Variants in SLC14A2 observed in about 807,000 individuals in gnomAD.
SLC14A2 encodes urea transporter 2.
A neutral mutation model predicts 104.6 loss-of-function variants in SLC14A2; 91 were observed. The ratio of observed to expected loss-of-function variants is 0.87; its 90% CI spans 0.73 to 1.04. SLC14A2 has a LOEUF of 1.04. Ranked by LOEUF, SLC14A2 falls within the 50% of genes least tolerant of loss-of-function variation. The pLI, the probability that SLC14A2 is intolerant of heterozygous loss-of-function variation, is 0.00. For synonymous variants in SLC14A2, 476 were observed against 466.4 expected (o/e 1.02, Z -0.27); for missense variants, 1,189 against 1,156.0 (o/e 1.03, Z -0.41).
chr18:45,221,116 A>C (rs1308255342), intron 1 of SLC14A2, among the ~76,000 whole-genome samples: 3 of 152,232 alleles, frequency 2.0e-5, no homozygotes, highest in Non-Finnish European at 4.4e-5. Context: ...ATGAATTTGT[A>C]AGATGAGGGC....
At chr18:45,327,146 C>A (rs1453552465) in intron 1 of SLC14A2, among the ~76,000 whole-genome samples, 1 of 152,062 alleles carries the variant, frequency 6.6e-6, no homozygotes, top group African/African-American at 2.4e-5. Context: ...ATATGCTCAA[C>A]CCAAGATGTT....
intron 1 of SLC14A2, among the ~76,000 whole-genome samples, chr18:45,445,483 A>G (rs2086753047): frequency 6.6e-6 from 1 of 152,204 alleles, no homozygotes; most frequent in African/African-American, 2.4e-5. Context: ...AGTGATAAAA[A>G]CAAAGATGCC....
chr18:45,564,732 T>G (rs1483083960), intron 2 of SLC14A2, among the ~76,000 whole-genome samples: 1 of 152,142 alleles, frequency 6.6e-6, no homozygotes, highest in African/African-American at 2.4e-5. Context: ...GTACGTGCAT[T>G]GTGCCAATGA....
At chr18:45,537,012 C>A (rs1429226127) in intron 2 of SLC14A2, among the ~76,000 whole-genome samples, 2 of 132,966 alleles carry the variant, frequency 1.5e-5, no homozygotes, top group Non-Finnish European at 3.2e-5. Context: ...TGGTTCGTCC[C>A]CCTCTCTCCC....
At position 45,607,640 on chromosome 18, in the gene SLC14A2, C is replaced by T. The variant is rs149721037; in HGVS notation, c.-34-16991C>T. 2.0e-3 allele frequency among the ~76,000 whole-genome samples: 297 copies of T among 152,238 alleles called. 2 individuals carry two copies. Among genetic ancestry groups the T allele is most frequent in the African/African-American group, 7.0e-3 (289 of 41,552 alleles). ...AAATTGCCCCAGGTGTGACAAATTGCCCAAACTTAGCAACATAAAATGATA... is the reference window on the plus strand; with the variant it reads ...AAATTGCCCCAGGTGTGACAAATTGTCCAAACTTAGCAACATAAAATGATA... On this transcript the variant is annotated intron_variant, in intron 2 of 20. Transcript: ENST00000586448.
At chr18:45,238,679 G>A (rs964256525) in intron 1 of SLC14A2, among the ~76,000 whole-genome samples, 3 of 152,164 alleles carry the variant, frequency 2.0e-5, no homozygotes, top group Admixed American at 2.0e-4. Flanking sequence ...TAGATAGGTA[G>A]ATAGATAATA....
intron 2 of SLC14A2, among the ~76,000 whole-genome samples, chr18:45,606,944 G>A (rs978144394): frequency 5.9e-5 from 9 of 152,080 alleles, no homozygotes; most frequent in Non-Finnish European, 1.0e-4. Flanking sequence ...CTCAGTTCCT[G>A]GAGGGCAGGA....
Position 45,518,362 on chromosome 18 carries a change from C to G in SLC14A2, c.-35+35040C>G, listed in dbSNP as rs569346064. 2.0e-5 allele frequency among the ~76,000 whole-genome samples: 3 copies of G among 152,114 alleles called. No individual in the cohort carries two copies. In the South Asian group the frequency reaches 6.3e-4, roughly 32 times the overall value. On this transcript the variant is annotated intron_variant, in intron 2 of 20. Transcript: ENST00000586448. ...TCCATTGTTTACATGTACCCAGTGT[C>G]AAACTCCATCTAACTCCCCTATGAT...
intron 1 of SLC14A2, among the ~76,000 whole-genome samples, chr18:45,367,916 G>C (rs748997827): frequency 3.9e-5 from 6 of 152,148 alleles, no homozygotes; most frequent in Non-Finnish European, 8.8e-5. Context: ...GGCACTGAAG[G>C]CTTAATGTTC....
At position 45,226,802 on chromosome 18, in the gene SLC14A2, AAAT is replaced by A. The variant is rs143475234; in HGVS notation, c.-125+13626_-125+13628del. On this transcript the variant is annotated intron_variant, in intron 1 of 20. Transcript: ENST00000586448. Reference sequence around the variant, plus strand: ...GTTGTGCACATGTACCCTAGAACTTAAATAATAATAATAATAAAATAATAGTTT... The same window carrying A: ...GTTGTGCACATGTACCCTAGAACTTAAATAATAATAATAAAATAATAGTTT... Among the ~76,000 whole-genome samples, 1,103 of 151,666 alleles carry A rather than the reference AAAT, an allele frequency of 7.3e-3. 22 individuals are homozygous for A. The highest frequency in any genetic ancestry group is 0.025 in the African/African-American group (1,047 of 41,138).
intron 8 of SLC14A2, among the ~76,000 whole-genome samples, chr18:45,642,802 C>T (rs1025546928): frequency 4.6e-5 from 7 of 152,244 alleles, no homozygotes; most frequent in African/African-American, 7.2e-5. Flanking sequence ...ACTAGCTCTT[C>T]GCTACCATCA....
chr18:45,624,448 A>T (rs2045227406), intron 1 of SLC14A2, among the ~76,000 whole-genome samples, 183 bp from the exon 2 acceptor site: 1 of 152,132 alleles, frequency 6.6e-6, no homozygotes, highest in African/African-American at 2.4e-5. Context: ...GACGCGGAAG[A>T]ATGGGAGGAT....
At chr18:45,193,712 A>G in the SLC14A2 span, among the ~76,000 whole-genome samples, 1 of 152,122 alleles carries the variant, frequency 6.6e-6, no homozygotes, top group African/African-American at 2.4e-5. Flanking sequence ...TTGTATTTCC[A>G]GACAAATTTT....
At chr18:45,332,000 G>A (rs2144262464) in intron 1 of SLC14A2, among the ~76,000 whole-genome samples, 1 of 152,330 alleles carries the variant, frequency 6.6e-6, no homozygotes, top group African/African-American at 2.4e-5. Context: ...TTGAGTGGCA[G>A]CTGGATGGGT....
chr18:45,564,305 G>A (rs940232490), intron 2 of SLC14A2, among the ~76,000 whole-genome samples: 2 of 152,152 alleles, frequency 1.3e-5, no homozygotes, highest in African/African-American at 2.4e-5. Flanking sequence ...TTCTGGCTCT[G>A]GGCATTTAAA....
chr18:45,536,509 CCT>C (rs1308316254), intron 2 of SLC14A2, among the ~76,000 whole-genome samples: 2 of 152,166 alleles, frequency 1.3e-5, no homozygotes, highest in Non-Finnish European at 2.9e-5. Context: ...CTAACCTCTG[CCT>C]CTGTCTTCAC....
chr18:45,168,586 T>C, the SLC14A2 span: 2 of 152,228 alleles, frequency 1.3e-5, no homozygotes, highest in African/African-American at 4.8e-5. Flanking sequence ...TGTACTTATA[T>C]TGGAAGCATA....
At chr18:45,547,131 A>G (rs528621273) in intron 2 of SLC14A2, among the ~76,000 whole-genome samples, 3 of 152,312 alleles carry the variant, frequency 2.0e-5, no homozygotes, top group Non-Finnish European at 4.4e-5. Context: ...TACCAGACCA[A>G]CCAGTTCTTG....
At chr18:45,515,755 A>G (rs1353955782) in intron 2 of SLC14A2, among the ~76,000 whole-genome samples, 1 of 152,252 alleles carries the variant, frequency 6.6e-6, no homozygotes, top group Non-Finnish European at 1.5e-5. Context: ...GCCTGGGCAA[A>G]GGAACGAATT....
Sources: gnomAD v4.1 joint callset for allele counts (sites outside exome capture counted in the v4.1 genomes callset) on GRCh38, gnomAD v4.1.1 for gene constraint, MANE v1.5 for transcripts, NCBI Gene and HGNC (gene_info 2026-07-23, HGNC 2026-07-21) for gene names.